Variants in SHCBP1L observed in about 807,000 individuals in gnomAD.
SHCBP1L encodes the protein testicular spindle-associated protein SHCBP1L.
In SHCBP1L, 67 loss-of-function variants were observed where a neutral mutation model predicts 62.5. The observed-to-expected ratio is 1.07, with a 90% CI of 0.88 to 1.31. The LOEUF (loss-of-function observed/expected upper bound fraction) is 1.31. Ranked by LOEUF, SHCBP1L falls within the 40% of genes most tolerant of loss-of-function variation. The pLI is 0.00. For missense variants in SHCBP1L, 823 were observed against 809.8 expected (o/e 1.02, Z -0.20); for synonymous variants, 284 against 289.4 (o/e 0.98, Z 0.19).
At chr1:182,924,442 C>T (rs1372173267) in intron 6 of SHCBP1L, among the ~76,000 whole-genome samples, 1 of 151,644 alleles carries the variant, frequency 6.6e-6, no homozygotes, top group Non-Finnish European at 1.5e-5. Flanking sequence ...GGACTACAGG[C>T]GCCCACTACA....
intron 2 of SHCBP1L, among the ~76,000 whole-genome samples, chr1:182,948,744 G>C (rs1275423248): frequency 6.6e-6 from 1 of 152,134 alleles, no homozygotes; most frequent in Non-Finnish European, 1.5e-5. Flanking sequence ...GCGATCAGGG[G>C]CCCATAGGAA....
intron 6 of SHCBP1L, among the ~76,000 whole-genome samples, chr1:182,921,191 G>A (rs1204573071): frequency 1.3e-5 from 2 of 152,188 alleles, no homozygotes; most frequent in Non-Finnish European, 2.9e-5. Context: ...CAGAAATCCT[G>A]TAAGTCAGAA....
At chr1:182,910,249 T>C (rs566868441) in intron 6 of SHCBP1L, among the ~76,000 whole-genome samples, 2 of 152,312 alleles carry the variant, frequency 1.3e-5, no homozygotes, top group East Asian at 3.9e-4. Flanking sequence ...ATGAAGTGGC[T>C]GCTAAAATTC....
intron 6 of SHCBP1L, among the ~76,000 whole-genome samples, chr1:182,921,057 C>A (rs1399540161): frequency 6.6e-6 from 1 of 152,012 alleles, no homozygotes; most frequent in Non-Finnish European, 1.5e-5. Flanking sequence ...AAATGACCAT[C>A]CCCAAGACAT....
intron 6 of SHCBP1L, among the ~76,000 whole-genome samples, chr1:182,927,541 G>A (rs571084398): frequency 6.6e-6 from 1 of 151,622 alleles, no homozygotes; most frequent in Non-Finnish European, 1.5e-5. Context: ...GCGTAGTGGC[G>A]GGCGCCTGTA....
chr1:182,927,772 C>G (rs60540995), intron 6 of SHCBP1L, among the ~76,000 whole-genome samples: 35,535 of 151,062 alleles, frequency 0.24, 7,306 homozygotes, highest in African/African-American at 0.56. Context: ...TCTAAGTAAA[C>G]TGGAAGCTGA....
chr1:182,926,677 A>G (rs1650760123), intron 6 of SHCBP1L, among the ~76,000 whole-genome samples: 1 of 152,052 alleles, frequency 6.6e-6, no homozygotes, highest in African/African-American at 2.4e-5. Context: ...CCGTCTCCAG[A>G]TTGAAAGAAG....
At position 182,938,952 on chromosome 1, in the gene SHCBP1L, G is replaced by T. The variant is rs188117500; in HGVS notation, c.1076+224C>A. ...AGAGTTAAAATGAAAGATAAGGAAAGAAATGGATTAATGAGTTCTTTTGGT... is the reference window on the plus strand; with the variant it reads ...AGAGTTAAAATGAAAGATAAGGAAATAAATGGATTAATGAGTTCTTTTGGT... On this transcript the variant is annotated intron_variant, in intron 5 of 9. Transcript: ENST00000367547. Among the ~76,000 whole-genome samples the T allele has an allele frequency of 1.6e-3, 251 of 152,270 alleles. 1 individual carries two copies. The highest frequency in any genetic ancestry group is 5.8e-3 in the African/African-American group (242 of 41,574).
rs1273318148 is a variant in SHCBP1L at position 182,953,128 on chromosome 1, C to T, written c.6G>A (p.Ala2=). Residue 2 remains alanine (A), a synonymous_variant, in exon 1 of 10, where the codon GCG becomes GCA. Transcript: ENST00000367547. M[A]SGSKASVPAD... ...CGGGCACCGAGGCCTTGGAGCCCGA[C>T]GCCATCTCCTCAGCAGCCCGAGGGC... 2 of 1,580,806 alleles carry T rather than the reference C, an allele frequency of 1.3e-6. No homozygotes were observed. The highest frequency in any genetic ancestry group is 1.7e-5 in the Admixed American group (1 of 57,992).
intron 1 of SHCBP1L, chr1:182,952,518 G>A (rs1256213296): frequency 7.6e-6 from 4 of 527,590 alleles, no homozygotes; most frequent in East Asian, 3.5e-5. Flanking sequence ...GAATTTTGTC[G>A]GAAACTCGAA....
At position 182,931,943 on chromosome 1, in the gene SHCBP1L, A is replaced by ATTTTTTTTTT. The variant is rs1164377476; in HGVS notation, c.1077-2201_1077-2192dup. Among the ~76,000 whole-genome samples, 54 of 69,674 alleles carry ATTTTTTTTTT rather than the reference A, an allele frequency of 7.8e-4. 5 individuals carry two copies. Among genetic ancestry groups the ATTTTTTTTTT allele is most frequent in the South Asian group, 2.6e-3 (4 of 1,562 alleles). The allele number at this position is 69,674 out of a possible 152,430, so 45.7% of individuals were successfully genotyped here. On this transcript the variant is annotated intron_variant, in intron 5 of 9. Transcript: ENST00000367547. ...CTCCCTTAATACTTGGGAACCACTG[A>ATTTTTTTTTT]TTTTTTTTTTTTTTTTTTTTTTTTT...
At chr1:182,952,469 C>T in intron 1 of SHCBP1L, 1 of 431,912 alleles carries the variant, frequency 2.3e-6, no homozygotes. Context: ...TTTAGGAGCT[C>T]TCAGAAAATT....
intron 2 of SHCBP1L, among the ~76,000 whole-genome samples, chr1:182,948,007 C>A (rs1651617864): frequency 6.6e-6 from 1 of 152,166 alleles, no homozygotes; most frequent in Non-Finnish European, 1.5e-5. Context: ...ATTTTCTTTT[C>A]TCTAGCTTAC....
rs566262138 is a variant in SHCBP1L at position 182,905,188 on chromosome 1, C to T, written c.1336+308G>A. ...TTCTACTTCTGTTTTGGTGAGTTAG[C>T]ATGTGATATTAGCCTTTTTGAGAAA... On this transcript the variant is annotated intron_variant, in intron 7 of 9. Transcript: ENST00000367547. Among the ~76,000 whole-genome samples the T allele has an allele frequency of 3.9e-5, 6 of 152,222 alleles. No individual in the cohort carries two copies. The South Asian group carries it at 1.2e-3, about 32-fold the overall frequency.
intron 5 of SHCBP1L, among the ~76,000 whole-genome samples, chr1:182,938,457 A>AAAC (rs1233951455): frequency 9.0e-4 from 134 of 148,392 alleles, no homozygotes; most frequent in Admixed American, 2.1e-3. Flanking sequence ...AAAAACAAAC[A>AAAC]AACAACAACA....
At chr1:182,932,558 G>T (rs1276054811) in intron 5 of SHCBP1L, among the ~76,000 whole-genome samples, 2 of 152,012 alleles carry the variant, frequency 1.3e-5, no homozygotes, top group African/African-American at 2.4e-5. Flanking sequence ...TCAGCGGCAC[G>T]ATCTCAGCTC....
At position 182,903,188 on chromosome 1, in the gene SHCBP1L, T is replaced by G. The variant is rs375942091; in HGVS notation, c.1588-27A>C. On this transcript the variant is annotated intron_variant, in intron 8 of 9. Coordinates refer to ENST00000367547, the MANE Select transcript of SHCBP1L (RefSeq NM_030933.4). ...TGTAAATTAAAAGCAAATAAAACTA[T>G]CTACAAAATATATACACAAACCTCT... 1.7e-5 allele frequency: 25 copies of G among 1,496,304 alleles called. No homozygotes were observed. The African/African-American group carries it at 3.1e-4, about 19-fold the overall frequency. 92.7% of individuals were successfully genotyped at this position (1,496,304 alleles called of 1,614,324 possible).
intron 9 of SHCBP1L, among the ~76,000 whole-genome samples, chr1:182,901,753 A>G (rs1209223026): frequency 6.6e-6 from 1 of 152,218 alleles, no homozygotes; most frequent in Non-Finnish European, 1.5e-5. Flanking sequence ...AGGTGATGCC[A>G]ATGCTGCTGG....
intron 7 of SHCBP1L, among the ~76,000 whole-genome samples, chr1:182,905,209 A>G (rs80033020): frequency 0.041 from 6,206 of 152,280 alleles, 378 homozygotes; most frequent in African/African-American, 0.14. Context: ...AGCCTTTTTG[A>G]GAAAATGATG....
Sources: gnomAD v4.1 joint callset for allele counts (sites outside exome capture counted in the v4.1 genomes callset) on GRCh38, gnomAD v4.1.1 for gene constraint, MANE v1.5 for transcripts, NCBI Gene and HGNC (gene_info 2026-07-23, HGNC 2026-07-21) for gene names.